NREP: variants seen among roughly 807,000 people sequenced by gnomAD.
The protein encoded by NREP is neuronal regeneration-related protein.
NREP carries 5 observed loss-of-function variants against 8.6 expected under a neutral mutation model. That is an observed-to-expected ratio of 0.58 (90% confidence interval 0.30 to 1.22). The LOEUF is 1.22. Ranked by LOEUF, NREP falls within the 50% of genes most tolerant of loss-of-function variation. The pLI is 0.07. For missense variants in NREP, 86 were observed against 82.5 expected (o/e 1.04, Z -0.17); for synonymous variants, 27 against 28.0 (o/e 0.96, Z 0.11).
intron 2 of NREP, among the ~76,000 whole-genome samples, chr5:111,780,863 C>T (rs1246322354): frequency 6.6e-6 from 1 of 151,490 alleles, no homozygotes; most frequent in Non-Finnish European, 1.5e-5. Flanking sequence ...ACATTGCCAT[C>T]AAGAAATAGA....
At chr5:111,926,057 T>G (rs965691775) in intron 2 of NREP, among the ~76,000 whole-genome samples, 1 of 152,164 alleles carries the variant, frequency 6.6e-6, no homozygotes, top group Non-Finnish European at 1.5e-5. Flanking sequence ...ACACCTGGGC[T>G]AGATTTTGGA....
At chr5:111,855,310 T>A (rs980622846) in intron 2 of NREP, among the ~76,000 whole-genome samples, 1 of 152,192 alleles carries the variant, frequency 6.6e-6, no homozygotes, top group African/African-American at 2.4e-5. Flanking sequence ...ATATATAAAA[T>A]AGAAATAAAA....
At chr5:111,925,831 G>A (rs1048440080) in intron 2 of NREP, among the ~76,000 whole-genome samples, 11 of 152,120 alleles carry the variant, frequency 7.2e-5, no homozygotes, top group African/African-American at 2.2e-4. Flanking sequence ...GGGTCACTAC[G>A]GTCCTAGCCA....
At chr5:111,881,945 A>C (rs1046659466) in intron 2 of NREP, among the ~76,000 whole-genome samples, 1 of 152,246 alleles carries the variant, frequency 6.6e-6, no homozygotes, top group African/African-American at 2.4e-5. Context: ...AAAGGATCAC[A>C]GTTCCTCACC....
chr5:111,833,790 G>A (rs1752830419), intron 2 of NREP, among the ~76,000 whole-genome samples: 1 of 152,154 alleles, frequency 6.6e-6, no homozygotes, highest in Non-Finnish European at 1.5e-5. Flanking sequence ...AGAAGCCAAG[G>A]CAATATAGAA....
At chr5:111,826,477 T>G (rs1752630565) in intron 2 of NREP, among the ~76,000 whole-genome samples, 3 of 152,262 alleles carry the variant, frequency 2.0e-5, no homozygotes, top group Middle Eastern at 3.4e-3. Context: ...GCGGCTTCAC[T>G]CCTGAAGTCA....
chr5:111,786,690 T>C (rs1174218271), intron 2 of NREP, among the ~76,000 whole-genome samples: 1 of 152,206 alleles, frequency 6.6e-6, no homozygotes, highest in East Asian at 1.9e-4. Flanking sequence ...AATGTACAAT[T>C]TGTAATGAAT....
intron 2 of NREP, 53 bp downstream of exon 2, chr5:111,755,717 T>A: frequency 6.3e-7 from 1 of 1,591,064 alleles, no homozygotes; most frequent in Non-Finnish European, 8.6e-7. Flanking sequence ...GATATTTATA[T>A]GTAACAGACT....
chr5:111,945,037 T>A (rs1167909847), intron 2 of NREP, among the ~76,000 whole-genome samples: 1 of 152,116 alleles, frequency 6.6e-6, no homozygotes, highest in South Asian at 2.1e-4. Context: ...CCTACATCTC[T>A]ACTTCTAACA....
intron 2 of NREP, among the ~76,000 whole-genome samples, chr5:111,767,935 G>C (rs1229112628): frequency 6.6e-6 from 1 of 152,102 alleles, no homozygotes; most frequent in Admixed American, 6.6e-5. Context: ...AAAGTGCTGG[G>C]ATTCTAAGTG....
chr5:111,863,858 T>C (rs1271199948), intron 2 of NREP, among the ~76,000 whole-genome samples: 2 of 152,174 alleles, frequency 1.3e-5, no homozygotes, highest in South Asian at 2.1e-4. Flanking sequence ...TCCTCAGTTC[T>C]TCTCCATGTG....
At chr5:111,962,306 G>A (rs989226117) in intron 2 of NREP, among the ~76,000 whole-genome samples, 1 of 151,994 alleles carries the variant, frequency 6.6e-6, no homozygotes, top group African/African-American at 2.4e-5. Context: ...AATCACTGAT[G>A]TAGATGACTG....
intron 2 of NREP, among the ~76,000 whole-genome samples, chr5:111,932,117 CAAAAAAA>C (rs57518070): frequency 8.7e-6 from 1 of 115,596 alleles, no homozygotes; most frequent in African/African-American, 3.1e-5. Flanking sequence ...AGACTTTTTG[CAAAAAAA>C]AAAAAAAAAG....
intron 2 of NREP, among the ~76,000 whole-genome samples, chr5:111,955,468 A>AG (rs1380054963): frequency 7.5e-6 from 1 of 133,304 alleles, no homozygotes; most frequent in African/African-American, 2.6e-5. Context: ...GGGCCAATAC[A>AG]GAAAAAAAAA....
At chr5:111,819,293 C>T (rs991138450) in intron 2 of NREP, among the ~76,000 whole-genome samples, 10 of 152,170 alleles carry the variant, frequency 6.6e-5, no homozygotes, top group African/African-American at 1.9e-4. Flanking sequence ...GCTTGTACCT[C>T]TGCTCTCTTT....
At chr5:111,837,263 A>C (rs1752918158) in intron 2 of NREP, among the ~76,000 whole-genome samples, 1 of 152,032 alleles carries the variant, frequency 6.6e-6, no homozygotes, top group Admixed American at 6.6e-5. Context: ...GGTAGGGAAG[A>C]TACAAGGTAA....
intron 2 of NREP, among the ~76,000 whole-genome samples, chr5:111,737,488 A>G (rs1405334133): frequency 6.6e-6 from 1 of 152,208 alleles, no homozygotes; most frequent in Non-Finnish European, 1.5e-5. Flanking sequence ...AAAACTTTGT[A>G]GGCACAGGAA....
At chr5:111,758,020 G>C (rs947632865), upstream of NREP, 1 of 985,566 alleles carries the variant, frequency 1.0e-6, no homozygotes, top group Non-Finnish European at 1.2e-6. Context: ...CCTGTCCTGA[G>C]CGAAGCAGAA....
At chr5:111,853,962 A>G (rs761341934) in intron 2 of NREP, among the ~76,000 whole-genome samples, 2 of 152,144 alleles carry the variant, frequency 1.3e-5, no homozygotes, top group Non-Finnish European at 2.9e-5. Flanking sequence ...AACTGAAGAC[A>G]TGCAACAGCC....
Sources: allele counts gnomAD v4.1 joint callset (sites outside exome capture counted in the v4.1 genomes callset), GRCh38; gene constraint gnomAD v4.1.1; transcripts MANE v1.5; gene names NCBI Gene and HGNC (gene_info 2026-07-23, HGNC 2026-07-21).